The following DGKD variants were observed in gnomAD, a reference collection of about 807,000 sequenced individuals.
DGKD encodes DAG kinase delta.
In DGKD, 68 loss-of-function variants were observed where a neutral mutation model predicts 154.4. The observed-to-expected ratio is 0.44, with a 90% confidence interval of 0.36 to 0.54. The LOEUF (loss-of-function observed/expected upper bound fraction) is 0.54, where lower values mean the gene tolerates loss of function less well. Among genes scored for constraint, DGKD ranks in the 20% least tolerant of loss-of-function variants. DGKD has a pLI of 0.00. For synonymous variants in DGKD, 693 were observed against 638.0 expected (o/e 1.09, Z -1.30); for missense variants, 1,343 against 1,593.6 (o/e 0.84, Z 2.68).
At chr2:233,436,288 C>A (rs2062691924) in intron 6 of DGKD, 28 bp from the exon 7 acceptor site, 1 of 1,613,660 alleles carries the variant, frequency 6.2e-7, no homozygotes, top group African/African-American at 1.3e-5. Flanking sequence ...TGGGAGCGTC[C>A]CTAGTGCGTG....
intron 2 of DGKD, among the ~76,000 whole-genome samples, chr2:233,389,816 C>T (rs1176652800): frequency 6.6e-6 from 1 of 152,126 alleles, no homozygotes; most frequent in Non-Finnish European, 1.5e-5. Context: ...AGGCCTGACT[C>T]CCAGCCCTGC....
intron 1 of DGKD, among the ~76,000 whole-genome samples, chr2:233,376,889 A>G (rs1474228637): frequency 6.6e-6 from 1 of 151,822 alleles, no homozygotes; most frequent in East Asian, 1.9e-4. Flanking sequence ...TTTTAAAATC[A>G]TGTGTGTGCC....
At chr2:233,393,184 C>T (rs1160423512) in intron 3 of DGKD, among the ~76,000 whole-genome samples, 1 of 152,028 alleles carries the variant, frequency 6.6e-6, no homozygotes, top group Non-Finnish European at 1.5e-5. Flanking sequence ...GCCACCACGC[C>T]CAGCTAATGT....
In DGKD at chr2:233,442,884, A is replaced by G. The variant is rs187989951; in HGVS notation, c.1194+889A>G. Among the ~76,000 whole-genome samples, 43 of 152,292 alleles carry G rather than the reference A, an allele frequency of 2.8e-4. No homozygotes were observed. In the East Asian group the frequency reaches 8.1e-3, roughly 29 times the overall value. ...CTCCCAAAGTGCTGGGATTACAGGC[A>G]TGAGCCACCGCGCCCGGCCTGTTAC... is the stretch of plus-strand genomic sequence containing the variant. On this transcript the variant is annotated intron_variant, in intron 10 of 29. Coordinates refer to ENST00000264057, the MANE Select transcript of DGKD (RefSeq NM_152879.3).
chr2:233,363,092 C>T (rs1432450876), intron 1 of DGKD, among the ~76,000 whole-genome samples: 1 of 152,108 alleles, frequency 6.6e-6, no homozygotes, highest in Non-Finnish European at 1.5e-5. Flanking sequence ...ATTCTTCCTA[C>T]TTATAGAAAA....
intron 1 of DGKD, among the ~76,000 whole-genome samples, chr2:233,373,569 G>C (rs984675030): frequency 1.3e-5 from 2 of 152,222 alleles, no homozygotes; most frequent in Non-Finnish European, 2.9e-5. Context: ...AAACGATACT[G>C]TTGGATCAAA....
In DGKD at chr2:233,434,400, G is replaced by C; in HGVS notation, c.369G>C (p.Lys123Asn). Residue 123 changes from lysine (K) to asparagine (N), a missense_variant, in exon 4 of 30, where the codon AAG becomes AAC. Physicochemically the swap from Lys to Asn is moderately conservative, Grantham distance 94. Coordinates refer to ENST00000264057, the MANE Select transcript of DGKD (RefSeq NM_152879.3). ...TCTAGGTCATAACTCCATGCAGGAAGCTCATCTTGTGTGCTGATAACAGAA... is the reference window on the plus strand; with the variant it reads ...TCTAGGTCATAACTCCATGCAGGAACCTCATCTTGTGTGCTGATAACAGAA... ...NSFTVITPCRKLILCADNRKE... is the reference protein window; with the variant it reads ...NSFTVITPCRNLILCADNRKE... 6.2e-7 allele frequency: 1 copy of C among 1,614,164 alleles called. No homozygotes were observed. Among genetic ancestry groups the C allele is most frequent in the South Asian group, 1.1e-5 (1 of 91,084 alleles).
intron 1 of DGKD, among the ~76,000 whole-genome samples, chr2:233,376,823 G>A (rs1702598212): frequency 1.3e-5 from 2 of 152,116 alleles, no homozygotes; most frequent in Admixed American, 1.3e-4. Context: ...CCTGGAGCAA[G>A]TCAGAGCTCA....
rs1384961688 is a variant in DGKD at position 233,471,956 on chromosome 2, C to T, written c.*2496C>T. 6.6e-6 allele frequency: 1 copy of T among 152,328 alleles called. No individual in the cohort carries two copies. The highest frequency in any genetic ancestry group is 1.5e-5 in the Non-Finnish European group (1 of 68,050). The allele number at this position is 152,328 out of a possible 1,614,324, so 9.4% of individuals were successfully genotyped here. A position where few individuals can be genotyped will look rare whatever the true frequency, so the allele number is the denominator to read the frequency against. Reference sequence around the variant, plus strand: ...TCTGTGCCCTCAGGTGGGGCTTACCCCCTCGTATTTATAATCTTAATTTAT... The same window carrying T: ...TCTGTGCCCTCAGGTGGGGCTTACCTCCTCGTATTTATAATCTTAATTTAT... On this transcript the variant is annotated 3_prime_UTR_variant, in exon 30 of 30. Coordinates refer to ENST00000264057, the MANE Select transcript of DGKD (RefSeq NM_152879.3).
intron 1 of DGKD, among the ~76,000 whole-genome samples, chr2:233,371,282 T>G (rs184374584): frequency 6.6e-6 from 1 of 152,242 alleles, no homozygotes; most frequent in East Asian, 1.9e-4. Context: ...ATTATTCAGT[T>G]CCTCAATGAC....
Position 233,425,247 on chromosome 2 carries a change from C to T in DGKD, c.349-9133C>T, listed in dbSNP as rs558998854. 1.6e-4 allele frequency among the ~76,000 whole-genome samples: 25 copies of T among 152,114 alleles called. 1 individual carries two copies. In the South Asian group the frequency reaches 4.1e-3, roughly 25 times the overall value. ...TGTCGCCCAGGCTGGAGTGCAGTGG[C>T]GTAATCTTGGCTCACTGCAAATTCC... On this transcript the variant is annotated intron_variant, in intron 3 of 29. Coordinates refer to ENST00000264057, the MANE Select transcript of DGKD (RefSeq NM_152879.3).
chr2:233,451,022 T>C lies in DGKD; in HGVS notation c.2139T>C (p.Pro713=), dbSNP rs765397170. 8 of 1,611,990 alleles carry C rather than the reference T, an allele frequency of 5.0e-6. No individual in the cohort carries two copies. The South Asian group carries it at 6.6e-5, about 13-fold the overall frequency. The part of the protein sequence containing the change: ...PPQPGSRDGL[P]ALNTKILYPN... ...AGCCGGGAAGCCGGGACGGCCTGCC[T>C]GCGCTCAACACCAAGATCCTGTACC... The change falls in exon 17 of 30, where the codon CCT becomes CCC. Residue 713 remains proline (P), a synonymous_variant. Transcript: ENST00000264057.
At position 233,452,308 on chromosome 2, in the gene DGKD, C is replaced by T. The variant is rs751132214; in HGVS notation, c.2264+248C>T. 3.3e-5 allele frequency among the ~76,000 whole-genome samples: 5 copies of T among 152,210 alleles called. No homozygotes were observed. Among genetic ancestry groups the T allele is most frequent in the Admixed American group, 2.0e-4 (3 of 15,290 alleles). ...CCAAGGTCCCACGGTGCTTGCTTGA[C>T]GTCCCCTGAGCCTGCATGCCCTTCT... On this transcript the variant is annotated intron_variant, in intron 18 of 29. Transcript: ENST00000264057. The surrounding 1 kb of genome is among the most constrained non-coding windows in gnomAD (Gnocchi z 4.0).
rs1391849708 is a variant in DGKD at position 233,469,483 on chromosome 2, C to T, written c.*23C>T. 4.5e-6 allele frequency: 7 copies of T among 1,570,296 alleles called. No individual in the cohort carries two copies. Among genetic ancestry groups the T allele is most frequent in the Non-Finnish European group, 6.1e-6 (7 of 1,156,970 alleles). ...TAGCCTCTGTCCTCTCAGCCTGTGG[C>T]CTCCACATCCCCGCCGCCGAGGCCT... On this transcript the variant is annotated 3_prime_UTR_variant, in exon 30 of 30. Transcript: ENST00000264057.
At position 233,388,332 on chromosome 2, in the gene DGKD, C is replaced by T. The variant is rs1392586530; in HGVS notation, c.232C>T (p.Arg78Ter). 4 of 1,613,892 alleles carry T rather than the reference C, an allele frequency of 2.5e-6. No homozygotes were observed. The highest frequency in any genetic ancestry group is 3.4e-6 in the Non-Finnish European group (4 of 1,179,960). Residue 78 changes from arginine (R) to a stop codon, truncating the protein, a stop_gained, in exon 2 of 30, where the codon CGA becomes TGA. Coordinates refer to ENST00000264057, the MANE Select transcript of DGKD (RefSeq NM_152879.3). LOFTEE classifies it high-confidence loss of function. ...QRSKRRYFKL[R>*]GRTLYYAKTA... Reference sequence around the variant, plus strand: ...ATCAAAAAGGAGATACTTTAAGCTTCGAGGGCGAACGCTTTACTATGCCAA... The same window carrying T: ...ATCAAAAAGGAGATACTTTAAGCTTTGAGGGCGAACGCTTTACTATGCCAA...
At chr2:233,446,664 G>C (rs367703616) in intron 11 of DGKD, 48 bp from the exon 12 acceptor site, 3 of 1,594,070 alleles carry the variant, frequency 1.9e-6, no homozygotes, top group African/African-American at 2.7e-5. Flanking sequence ...GTTCACCCTT[G>C]TGGGCCTGCA....
At chr2:233,378,658 AT>A (rs1195835220) in intron 1 of DGKD, among the ~76,000 whole-genome samples, 1 of 151,948 alleles carries the variant, frequency 6.6e-6, no homozygotes, top group African/African-American at 2.4e-5. Context: ...CGCCTTTTGC[AT>A]TTTTTTCTGT....
chr2:233,410,492 A>G (rs1305576024), intron 3 of DGKD, among the ~76,000 whole-genome samples: 2 of 152,310 alleles, frequency 1.3e-5, no homozygotes, highest in Middle Eastern at 3.4e-3. Context: ...GGTGATATCT[A>G]ATCACACCAA....
intron 18 of DGKD, among the ~76,000 whole-genome samples, chr2:233,453,561 C>T (rs1004433917): frequency 6.6e-6 from 1 of 152,260 alleles, no homozygotes; most frequent in Non-Finnish European, 1.5e-5. Flanking sequence ...GGCACTGGCT[C>T]AGTAAGCTAA....
Sources: allele counts gnomAD v4.1 joint callset (sites outside exome capture counted in the v4.1 genomes callset), GRCh38; gene constraint gnomAD v4.1.1; non-coding constraint Gnocchi (gnomAD v3.1); transcripts MANE v1.5; gene names NCBI Gene and HGNC (gene_info 2026-07-23, HGNC 2026-07-21).